The following SCP2 variants were observed in gnomAD, a reference collection of about 807,000 sequenced individuals.
SCP2 encodes the protein sterol carrier protein 2, also known as SCP-2/3-oxoacyl-CoA thiolase.
Under a neutral mutation model 71.4 loss-of-function variants are expected in SCP2, and 48 were observed. The observed-to-expected ratio is 0.67, with a 90% confidence interval of 0.53 to 0.86. The LOEUF is 0.86. Among genes scored for constraint, SCP2 ranks in the 40% least tolerant of loss-of-function variants. The pLI is 0.00. For missense variants in SCP2, 560 were observed against 655.6 expected (o/e 0.85, Z 1.59); for synonymous variants, 220 against 218.1 (o/e 1.01, Z -0.08).
chr1:52,963,118 G>T (rs1297431641), intron 6 of SCP2, among the ~76,000 whole-genome samples: 1 of 150,668 alleles, frequency 6.6e-6, no homozygotes, highest in Non-Finnish European at 1.5e-5. Context: ...AATTTAGAAA[G>T]ACCCTCCATG....
intron 1 of SCP2, chr1:52,928,903 A>G (rs1281798160): frequency 6.5e-6 from 1 of 154,354 alleles, no homozygotes; most frequent in Admixed American, 6.5e-5. Context: ...TTTCGAAGTA[A>G]GGTATTAATG....
intron 11 of SCP2, among the ~76,000 whole-genome samples, chr1:53,006,165 A>T (rs1660625980): frequency 6.6e-6 from 1 of 152,228 alleles, no homozygotes; most frequent in African/African-American, 2.4e-5. Context: ...GGTGTACCTG[A>T]AAGTGAGGGG....
At chr1:53,002,533 CA>C (rs1212320427) in intron 11 of SCP2, among the ~76,000 whole-genome samples, 2 of 152,168 alleles carry the variant, frequency 1.3e-5, no homozygotes, top group African/African-American at 4.8e-5. Context: ...AGGCTGTGCA[CA>C]AAAAATACAT....
chr1:53,031,028 G>A (rs924864980), intron 13 of SCP2, among the ~76,000 whole-genome samples: 3 of 151,100 alleles, frequency 2.0e-5, no homozygotes, highest in African/African-American at 4.9e-5. Context: ...ATAAAGTCTC[G>A]GCTTAAAAGT....
intron 7 of SCP2, among the ~76,000 whole-genome samples, chr1:52,975,321 C>T (rs1657866144): frequency 6.6e-6 from 1 of 152,294 alleles, no homozygotes; most frequent in African/African-American, 2.4e-5. Context: ...GCTGGGATTA[C>T]AGGCACCTGC....
chr1:53,050,580 A>G (rs1274595233), intron 15 of SCP2, 29 bp from the exon 16 acceptor site: 2 of 1,447,750 alleles, frequency 1.4e-6, no homozygotes, highest in Non-Finnish European at 1.9e-6. Context: ...AAAAAACACC[A>G]AGTAATGAAT....
Position 53,005,524 on chromosome 1 carries a change from C to A in SCP2, c.1082-9366C>A, listed in dbSNP as rs1158293472. The stretch of plus-strand genomic sequence containing the variant: ...CAGGCAAACAGGGTCTGGAGTGGAC[C>A]TCCAGCAAACTCCAACAGACCTGCA... On this transcript the variant is annotated intron_variant, in intron 11 of 15. Transcript: ENST00000371514. 2.0e-5 allele frequency among the ~76,000 whole-genome samples: 3 copies of A among 152,158 alleles called. No individual in the cohort carries two copies. The East Asian group carries it at 5.8e-4, about 29-fold the overall frequency.
chr1:52,950,687 T>A, intron 3 of SCP2, 68 bp from the exon 4 acceptor site: 1 of 1,285,380 alleles, frequency 7.8e-7, no homozygotes, highest in Non-Finnish European at 1.1e-6. Context: ...AAAAAACCCA[T>A]AATGTAGTAT....
At chr1:53,045,328 T>C (rs1031135102) in intron 14 of SCP2, among the ~76,000 whole-genome samples, 7 of 152,238 alleles carry the variant, frequency 4.6e-5, no homozygotes, top group South Asian at 2.1e-4. Flanking sequence ...TAACATTTAC[T>C]CTTTTTTAGG....
intron 7 of SCP2, among the ~76,000 whole-genome samples, 169 bp from the exon 8 acceptor site, chr1:52,976,514 A>G (rs536304545): frequency 6.6e-6 from 1 of 152,342 alleles, no homozygotes; most frequent in East Asian, 1.9e-4. Context: ...ACTGTATTTT[A>G]GAGTTAGGAT....
At chr1:52,967,502 C>T (rs897650576) in intron 6 of SCP2, among the ~76,000 whole-genome samples, 2 of 152,040 alleles carry the variant, frequency 1.3e-5, no homozygotes, top group Admixed American at 1.3e-4. Context: ...ATATTCTCCT[C>T]TTGTCATTTG....
chr1:52,963,618 G>T (rs1656674565), intron 6 of SCP2: 1 of 152,148 alleles, frequency 6.6e-6, no homozygotes, highest in Non-Finnish European at 1.5e-5. Flanking sequence ...TCACTCAAAA[G>T]CCCTTGCGCA....
chr1:53,011,936 GA>G (rs1485863509), intron 11 of SCP2, among the ~76,000 whole-genome samples: 1 of 152,082 alleles, frequency 6.6e-6, no homozygotes, highest in Non-Finnish European at 1.5e-5. Context: ...AAAAGCCTCA[GA>G]AGCAAAAATT....
At chr1:52,950,550 T>C (rs1474927801) in intron 3 of SCP2, among the ~76,000 whole-genome samples, 1 of 152,220 alleles carries the variant, frequency 6.6e-6, no homozygotes, top group Non-Finnish European at 1.5e-5. Flanking sequence ...CTGTATTATA[T>C]AAAGAAAGTG....
intron 13 of SCP2, among the ~76,000 whole-genome samples, chr1:53,035,928 G>A: frequency 6.6e-6 from 1 of 150,966 alleles, no homozygotes; most frequent in Non-Finnish European, 1.5e-5. Flanking sequence ...GCTGAGGCAG[G>A]AGAATGGCGT....
At chr1:52,960,508 G>GTATATATGTATATATATA (rs1557561872) in intron 5 of SCP2, among the ~76,000 whole-genome samples, 2 of 138,506 alleles carry the variant, frequency 1.4e-5, no homozygotes, top group African/African-American at 5.6e-5. Flanking sequence ...GTGTGTGTGT[G>GTATATATGTATATATATA]TGTGTGTGTG....
chr1:52,964,509 C>T (rs577448836), intron 6 of SCP2, among the ~76,000 whole-genome samples: 5 of 151,546 alleles, frequency 3.3e-5, no homozygotes, highest in African/African-American at 7.3e-5. Context: ...CCAGGTTTGT[C>T]GATTTTAAAA....
At chr1:52,973,410 G>A (rs541191792) in intron 6 of SCP2, among the ~76,000 whole-genome samples, 1 of 150,960 alleles carries the variant, frequency 6.6e-6, no homozygotes, top group East Asian at 1.9e-4. Flanking sequence ...CCCACACTAC[G>A]ATATTTCCTT....
At chr1:52,982,667 C>T (rs927637132) in intron 10 of SCP2, among the ~76,000 whole-genome samples, 2 of 152,168 alleles carry the variant, frequency 1.3e-5, no homozygotes, top group African/African-American at 4.8e-5. Flanking sequence ...TAATATTGTA[C>T]CACTTCACAT....
Sources: gnomAD v4.1 joint callset for allele counts (sites outside exome capture counted in the v4.1 genomes callset) on GRCh38, gnomAD v4.1.1 for gene constraint, MANE v1.5 for transcripts, NCBI Gene and HGNC (gene_info 2026-07-23, HGNC 2026-07-21) for gene names.